Variants in NRG2 observed in about 807,000 individuals in gnomAD.
The protein encoded by NRG2 is neuregulin 2, also known as pro-neuregulin-2, membrane-bound isoform.
A neutral mutation model predicts 73.9 loss-of-function variants in NRG2; 27 were observed. The ratio of observed to expected loss-of-function variants is 0.37; its 90% CI spans 0.27 to 0.50. The LOEUF is 0.50. Ranked by LOEUF, NRG2 falls within the 20% of genes least tolerant of loss-of-function variation. NRG2 has a pLI of 0.96. For synonymous variants in NRG2, 532 were observed against 541.0 expected (o/e 0.98, Z 0.23); for missense variants, 1,126 against 1,210.1 (o/e 0.93, Z 1.03).
intron 5 of NRG2, among the ~76,000 whole-genome samples, chr5:139,864,047 C>G (rs951451746): frequency 4.6e-5 from 7 of 152,198 alleles, no homozygotes; most frequent in Admixed American, 6.5e-5. Context: ...TCCCAGAGTT[C>G]TACCTCCCAG....
intron 1 of NRG2, among the ~76,000 whole-genome samples, chr5:139,931,267 AG>A (rs2126372429): frequency 6.6e-6 from 1 of 152,372 alleles, no homozygotes; most frequent in African/African-American, 2.4e-5. Flanking sequence ...TTTATAATCT[AG>A]TTAGGAATAC....
chr5:139,958,110 T>C (rs1754775055), intron 1 of NRG2, among the ~76,000 whole-genome samples: 1 of 152,084 alleles, frequency 6.6e-6, no homozygotes, highest in Non-Finnish European at 1.5e-5. Context: ...ATTCAATTCA[T>C]CTTACAAAGC....
chr5:139,916,726 T>C (rs1348975950), intron 1 of NRG2, among the ~76,000 whole-genome samples: 1 of 152,242 alleles, frequency 6.6e-6, no homozygotes, highest in Non-Finnish European at 1.5e-5. Flanking sequence ...TGGATCAGTA[T>C]TCATACCTTT....
At chr5:139,877,019 C>T (rs1736839786) in intron 3 of NRG2, among the ~76,000 whole-genome samples, 2 of 151,802 alleles carry the variant, frequency 1.3e-5, no homozygotes, top group Admixed American at 1.3e-4. Flanking sequence ...AGAGGCCTCT[C>T]CAGGGCTTCC....
intron 4 of NRG2, among the ~76,000 whole-genome samples, chr5:139,867,787 T>TGTGTATGA (rs1762562758): frequency 7.3e-6 from 1 of 137,094 alleles, no homozygotes; most frequent in Non-Finnish European, 1.5e-5. Flanking sequence ...TGTGTGTGTG[T>TGTGTATGA]GTGTGTGTGT....
chr5:140,016,329 T>G (rs1371923137), intron 1 of NRG2, among the ~76,000 whole-genome samples: 1 of 152,226 alleles, frequency 6.6e-6, no homozygotes, highest in Non-Finnish European at 1.5e-5. Context: ...GAAACTAAAA[T>G]TTTGGACCAG....
At chr5:140,027,892 A>G (rs182462935) in intron 1 of NRG2, among the ~76,000 whole-genome samples, 3 of 152,334 alleles carry the variant, frequency 2.0e-5, no homozygotes, top group Admixed American at 2.0e-4. Flanking sequence ...TTATGGGAAA[A>G]AAAGAGTAAT....
At chr5:139,866,598 G>A (rs1184612367) in intron 4 of NRG2, among the ~76,000 whole-genome samples, 2 of 152,132 alleles carry the variant, frequency 1.3e-5, no homozygotes, top group African/African-American at 4.8e-5. Flanking sequence ...CTGGAAGCCT[G>A]GTCCACATCA....
intron 2 of NRG2, among the ~76,000 whole-genome samples, chr5:139,886,357 C>T (rs1763870938): frequency 6.6e-6 from 1 of 152,216 alleles, no homozygotes; most frequent in African/African-American, 2.4e-5. Context: ...GCAGCCTGCC[C>T]AGCCCTGGCC....
chr5:139,924,342 C>A (rs1019723316), intron 1 of NRG2, among the ~76,000 whole-genome samples: 1 of 152,168 alleles, frequency 6.6e-6, no homozygotes, highest in African/African-American at 2.4e-5. Context: ...ATCAAAAGTA[C>A]AGAATTTCTG....
chr5:139,902,301 C>A (rs73271443), intron 1 of NRG2, among the ~76,000 whole-genome samples: 2 of 152,322 alleles, frequency 1.3e-5, no homozygotes, highest in Middle Eastern at 6.8e-3. Context: ...ACCTGCAGTT[C>A]AGCCCCAGCC....
Position 139,948,914 on chromosome 5 carries a change from A to G in NRG2, c.701-61403T>C, listed in dbSNP as rs1007335727. Among the ~76,000 whole-genome samples the G allele has an allele frequency of 4.6e-5, 7 of 152,058 alleles. No individual in the cohort carries two copies. In the East Asian group the frequency reaches 1.4e-3, roughly 29 times the overall value. The stretch of plus-strand genomic sequence containing the variant: ...GAGGGTAAGACAGAGGCTAGAGTCA[A>G]GATTCCCTCGGCATAGGCAAGCTCC... On this transcript the variant is annotated intron_variant, in intron 1 of 9. Transcript: ENST00000361474.
chr5:139,961,123 C>T (rs563839166), intron 1 of NRG2, among the ~76,000 whole-genome samples: 27 of 152,320 alleles, frequency 1.8e-4, no homozygotes, highest in African/African-American at 6.3e-4. Context: ...TGTACGCTGC[C>T]GCCCAGCTCT....
chr5:139,959,574 C>T (rs960939328), intron 1 of NRG2, among the ~76,000 whole-genome samples: 5 of 152,216 alleles, frequency 3.3e-5, no homozygotes, highest in Admixed American at 1.3e-4. Context: ...CTGGGTTTCA[C>T]CACGTTGGTC....
rs199679387 is a variant in NRG2, at chr5:140,039,695, C to CAA, written c.700+2673_700+2674dup. 7.9e-5 allele frequency among the ~76,000 whole-genome samples: 12 copies of CAA among 150,988 alleles called. No individual in the cohort carries two copies. The East Asian group carries it at 2.3e-3, about 29-fold the overall frequency. On this transcript the variant is annotated intron_variant, in intron 1 of 9. Transcript: ENST00000361474. ...TATCCCTCCATATTTTGCCCCCCTC[C>CAA]AAAAAAAAACCCACGGGCTTTCTAG...
intron 5 of NRG2, among the ~76,000 whole-genome samples, chr5:139,863,999 GCTAC>G (rs1762313457): frequency 6.6e-6 from 1 of 152,246 alleles, no homozygotes; most frequent in Middle Eastern, 3.4e-3. Context: ...TTTCTCCAAG[GCTAC>G]CTACATGGTC....
chr5:139,849,968 C>G (rs947168582), intron 9 of NRG2, among the ~76,000 whole-genome samples: 2 of 152,202 alleles, frequency 1.3e-5, no homozygotes, highest in African/African-American at 2.4e-5. Flanking sequence ...CTTGCCTGTT[C>G]AGGCCCAGCT....
intron 1 of NRG2, among the ~76,000 whole-genome samples, chr5:139,918,835 T>C (rs1410388519): frequency 6.6e-6 from 1 of 151,910 alleles, no homozygotes; most frequent in Non-Finnish European, 1.5e-5. Context: ...AGAGAAAGTG[T>C]AGACAGAGGA....
intron 1 of NRG2, among the ~76,000 whole-genome samples, chr5:139,983,693 C>T (rs1392382702): frequency 1.3e-5 from 2 of 152,188 alleles, no homozygotes; most frequent in African/African-American, 4.8e-5. Context: ...AAGGATTAGT[C>T]TCCCTATTTT....
Sources: gnomAD v4.1 joint callset for allele counts (sites outside exome capture counted in the v4.1 genomes callset) on GRCh38, gnomAD v4.1.1 for gene constraint, MANE v1.5 for transcripts, NCBI Gene and HGNC (gene_info 2026-07-23, HGNC 2026-07-21) for gene names.